The following CHSY3 variants were observed in gnomAD, a reference collection of about 807,000 sequenced individuals.
The protein encoded by CHSY3 is N-acetylgalactosaminyl-proteoglycan 3-beta-glucuronosyltransferase 3.
Under a neutral mutation model 67.2 loss-of-function variants are expected in CHSY3, and 35 were observed. The ratio of observed to expected loss-of-function variants is 0.52; its 90% confidence interval spans 0.40 to 0.69. The LOEUF (loss-of-function observed/expected upper bound fraction) is 0.69, where lower values mean the gene tolerates loss of function less well. Ranked by LOEUF, CHSY3 falls within the 30% of genes least tolerant of loss-of-function variation. CHSY3 has a pLI of 0.00. For synonymous variants in CHSY3, 474 were observed against 434.7 expected, an observed-to-expected ratio of 1.09 and a Z score of -1.12; for missense variants, 1,069 against 1,138.5, an observed-to-expected ratio of 0.94 and a Z score of 0.88.
At chr5:129,980,958 G>A (rs1260642141) in intron 2 of CHSY3, among the ~76,000 whole-genome samples, 3 of 151,280 alleles carry the variant, frequency 2.0e-5, no homozygotes, top group Non-Finnish European at 4.4e-5. Flanking sequence ...TGTAATCCCA[G>A]CACTTTGGGA....
chr5:130,103,955 A>G (rs996866603), intron 2 of CHSY3, among the ~76,000 whole-genome samples: 4 of 151,980 alleles, frequency 2.6e-5, no homozygotes, highest in Non-Finnish European at 1.5e-5. Context: ...CTTATATCTC[A>G]AAAACAGTCC....
At chr5:130,109,026 A>G (rs1171820718) in intron 2 of CHSY3, among the ~76,000 whole-genome samples, 1 of 151,728 alleles carries the variant, frequency 6.6e-6, no homozygotes, top group Admixed American at 6.6e-5. Context: ...AACAGAAAGA[A>G]GATTGCAAAT....
chr5:130,124,365 C>G (rs1162571320), intron 2 of CHSY3, among the ~76,000 whole-genome samples: 2 of 152,034 alleles, frequency 1.3e-5, no homozygotes, highest in African/African-American at 4.8e-5. Flanking sequence ...TAGTTATTTT[C>G]ATAATGTTGT....
At chr5:130,131,667 T>C (rs1768486978) in intron 2 of CHSY3, among the ~76,000 whole-genome samples, 1 of 152,134 alleles carries the variant, frequency 6.6e-6, no homozygotes. Flanking sequence ...GTAGTTGCTC[T>C]CAGAGCCTGT....
chr5:130,000,233 A>G (rs73785844), intron 2 of CHSY3, among the ~76,000 whole-genome samples: 6 of 152,362 alleles, frequency 3.9e-5, no homozygotes, highest in African/African-American at 1.4e-4. Flanking sequence ...TAAGTTAAAA[A>G]TCATCGTAGG....
chr5:130,098,153 A>C (rs1361035538), intron 2 of CHSY3, among the ~76,000 whole-genome samples: 1 of 151,988 alleles, frequency 6.6e-6, no homozygotes, highest in Non-Finnish European at 1.5e-5. Flanking sequence ...GATACAAAAC[A>C]TTTTCATCCC....
At chr5:130,011,716 C>T (rs1319386085) in intron 2 of CHSY3, among the ~76,000 whole-genome samples, 2 of 152,254 alleles carry the variant, frequency 1.3e-5, no homozygotes, top group East Asian at 3.9e-4. Flanking sequence ...TTAGAAAATG[C>T]CATGGTCTCT....
chr5:130,157,299 G>T (rs1769399960), intron 2 of CHSY3, among the ~76,000 whole-genome samples: 1 of 152,220 alleles, frequency 6.6e-6, no homozygotes, highest in Non-Finnish European at 1.5e-5. Flanking sequence ...GCCATACCTG[G>T]AGTGCTGTTA....
At chr5:130,015,826 T>G (rs1467418360) in intron 2 of CHSY3, among the ~76,000 whole-genome samples, 2 of 152,124 alleles carry the variant, frequency 1.3e-5, no homozygotes, top group Non-Finnish European at 2.9e-5. Context: ...AGACATAGAC[T>G]CAACCTTGGT....
intron 2 of CHSY3, among the ~76,000 whole-genome samples, chr5:130,105,845 T>C (rs543943055): frequency 1.3e-5 from 2 of 151,682 alleles, no homozygotes; most frequent in African/African-American, 4.8e-5. Flanking sequence ...GAAAAAGTGA[T>C]AGGCAGCAAT....
chr5:129,995,006 C>G (rs1357502798), intron 2 of CHSY3, among the ~76,000 whole-genome samples: 1 of 152,016 alleles, frequency 6.6e-6, no homozygotes, highest in Non-Finnish European at 1.5e-5. Context: ...ATGTAACTAA[C>G]CTGCACATTG....
chr5:130,063,706 A>G lies in CHSY3; in HGVS notation c.1087-120523A>G, dbSNP rs114617223. Reference sequence around the variant, plus strand: ...TTATTTCTCACAGTTCTGGAGGTTGATAAGTCGAAGATCCAGGTGCCAGTA... The same window carrying G: ...TTATTTCTCACAGTTCTGGAGGTTGGTAAGTCGAAGATCCAGGTGCCAGTA... On this transcript the variant is annotated intron_variant, in intron 2 of 2. Coordinates refer to ENST00000305031, the MANE Select transcript of CHSY3 (RefSeq NM_175856.5). 9.0e-3 allele frequency among the ~76,000 whole-genome samples: 1,366 copies of G among 152,214 alleles called. 25 individuals carry two copies. Among genetic ancestry groups the G allele is most frequent in the African/African-American group, 0.032 (1,317 of 41,540 alleles).
At chr5:129,927,821 G>A (rs544754925) in intron 2 of CHSY3, among the ~76,000 whole-genome samples, 139 of 151,756 alleles carry the variant, frequency 9.2e-4, no homozygotes, top group Non-Finnish European at 1.5e-3. Context: ...TAAAGGATTG[G>A]AGTGGTTAAT....
At chr5:130,172,986 C>G (rs1769937132) in intron 2 of CHSY3, among the ~76,000 whole-genome samples, 1 of 152,074 alleles carries the variant, frequency 6.6e-6, no homozygotes, top group Non-Finnish European at 1.5e-5. Flanking sequence ...AGGATATCCA[C>G]AAACTTAAAA....
intron 2 of CHSY3, among the ~76,000 whole-genome samples, chr5:129,970,223 G>T (rs2149613135): frequency 6.6e-6 from 1 of 151,782 alleles, no homozygotes; most frequent in South Asian, 2.1e-4. Flanking sequence ...TTTCCCACTG[G>T]GCTGTAAGCA....
At chr5:130,003,860 A>G (rs1417626851) in intron 2 of CHSY3, among the ~76,000 whole-genome samples, 1 of 152,218 alleles carries the variant, frequency 6.6e-6, no homozygotes, top group Non-Finnish European at 1.5e-5. Flanking sequence ...TTTGTGCCTC[A>G]TATTTTTTGG....
chr5:129,988,905 G>C (rs78608208), intron 2 of CHSY3, among the ~76,000 whole-genome samples: 1,794 of 152,236 alleles, frequency 0.012, 29 homozygotes, highest in African/African-American at 0.04. Flanking sequence ...CATCAGAGGG[G>C]CCCATTTGTC....
chr5:130,012,503 CA>C (rs1396424219), intron 2 of CHSY3, among the ~76,000 whole-genome samples: 10 of 152,170 alleles, frequency 6.6e-5, no homozygotes, highest in Admixed American at 1.3e-4. Context: ...AATTGATTCA[CA>C]GTTCCACATG....
chr5:130,128,018 C>A (rs145452430), intron 2 of CHSY3, among the ~76,000 whole-genome samples: 1 of 152,168 alleles, frequency 6.6e-6, no homozygotes, highest in African/African-American at 2.4e-5. Context: ...TATATCCCAA[C>A]TTTATATTTA....
Sources: gnomAD v4.1 joint callset for allele counts (sites outside exome capture counted in the v4.1 genomes callset) on GRCh38, gnomAD v4.1.1 for gene constraint, MANE v1.5 for transcripts, NCBI Gene and HGNC (gene_info 2026-07-23, HGNC 2026-07-21) for gene names.